Variants in MYH14 observed in about 807,000 individuals in gnomAD.
The protein encoded by MYH14 is myosin-14.
A neutral mutation model predicts 255.5 loss-of-function variants in MYH14; 123 were observed. The observed-to-expected ratio is 0.48, with a 90% CI of 0.42 to 0.56. The LOEUF is 0.56. MYH14 is among the 20% of genes least tolerant of loss of function. The pLI is 0.00. For missense variants in MYH14, 2,423 were observed against 2,802.3 expected, an observed-to-expected ratio of 0.86 and a Z score of 3.06; for synonymous variants, 1,095 against 1,161.2, an observed-to-expected ratio of 0.94 and a Z score of 1.16.
intron 39 of MYH14, among the ~76,000 whole-genome samples, chr19:50,295,337 A>C (rs945668726): frequency 1.3e-5 from 2 of 150,952 alleles, no homozygotes; most frequent in South Asian, 2.1e-4. Flanking sequence ...AACAAAAAAC[A>C]AAAAAACAAA....
rs1209985827 is a variant in MYH14, at chr19:50,209,783, C to CAA, written c.-3-565_-3-564dup. On this transcript the variant is annotated intron_variant, in intron 1 of 42. Transcript: ENST00000642316. The stretch of plus-strand genomic sequence containing the variant: ...TGGGCGACACAGTGAGACTCCATCT[C>CAA]AAAAAAAAAAAAAAAAGAAAATAAT... 2.1e-4 allele frequency among the ~76,000 whole-genome samples: 14 copies of CAA among 65,648 alleles called. 1 individual carries two copies. Among genetic ancestry groups the CAA allele is most frequent in the African/African-American group, 4.9e-4 (9 of 18,414 alleles). 43.1% of individuals were successfully genotyped at this position (65,648 alleles called of 152,430 possible). A position where few individuals can be genotyped will look rare whatever the true frequency, so the allele number is the denominator to read the frequency against.
intron 39 of MYH14, among the ~76,000 whole-genome samples, chr19:50,299,936 C>A (rs2036423913): frequency 6.6e-6 from 1 of 152,140 alleles, no homozygotes; most frequent in Non-Finnish European, 1.5e-5. Flanking sequence ...CAGAGTGAGA[C>A]TGTGTCTCAA....
intron 30 of MYH14, among the ~76,000 whole-genome samples, chr19:50,279,548 A>G (rs2035634993): frequency 6.6e-6 from 1 of 152,124 alleles, no homozygotes; most frequent in South Asian, 2.1e-4. Flanking sequence ...CAGGAGAATC[A>G]CTTGCACCTG....
At position 50,221,128 on chromosome 19, in the gene MYH14, C is replaced by G. The variant is rs1229428140; in HGVS notation, c.563-1955C>G. 6.6e-6 allele frequency among the ~76,000 whole-genome samples: 1 copy of G among 152,144 alleles called. No homozygotes were observed. Among genetic ancestry groups the G allele is most frequent in the Non-Finnish European group, 1.5e-5 (1 of 68,016 alleles). On this transcript the variant is annotated intron_variant, in intron 3 of 42. Coordinates refer to ENST00000642316, the MANE Select transcript of MYH14 (RefSeq NM_001145809.2). The surrounding 1 kb of genome is among the most constrained non-coding windows in gnomAD (Gnocchi z 5.3). ...AACCCAGGGCCCCTGACCACCGCCT[C>G]CCTGTATGTCACACTGTGTGTTATA... is the stretch of plus-strand genomic sequence containing the variant.
At chr19:50,238,096 C>A (rs368591927) in intron 10 of MYH14, among the ~76,000 whole-genome samples, 3 of 152,218 alleles carry the variant, frequency 2.0e-5, no homozygotes, top group African/African-American at 7.2e-5. Context: ...CTCTGCCTGC[C>A]ACCCCTTGGC....
At chr19:50,227,053 G>GTAAGGGGTCCCTGCAGT in intron 8 of MYH14, 87 bp downstream of exon 8, 2 of 1,343,158 alleles carry the variant, frequency 1.5e-6, no homozygotes, top group Non-Finnish European at 2.1e-6. Flanking sequence ...CCCACTGCAG[G>GTAAGGGGTCCCTGCAGT]GACCCCTTAC....
chr19:50,308,752 T>G, intron 41 of MYH14: 1 of 464,204 alleles, frequency 2.2e-6, no homozygotes. Flanking sequence ...AGCAGGAGGG[T>G]CTGGGTCAGC....
intron 2 of MYH14, among the ~76,000 whole-genome samples, chr19:50,214,580 G>A (rs746741655): frequency 6.6e-6 from 1 of 152,260 alleles, no homozygotes; most frequent in African/African-American, 2.4e-5. Context: ...GTTAAAAGCC[G>A]CATTTTCCAG....
intron 1 of MYH14, among the ~76,000 whole-genome samples, 176 bp downstream of exon 1, chr19:50,203,847 G>C (rs983552190): frequency 4.6e-4 from 70 of 151,956 alleles, no homozygotes; most frequent in African/African-American, 1.5e-3. Context: ...CGAGGGAGGT[G>C]GGGGGGCGGG....
intron 34 of MYH14, among the ~76,000 whole-genome samples, chr19:50,287,873 A>G (rs1254415280): frequency 6.6e-6 from 1 of 152,124 alleles, no homozygotes; most frequent in Non-Finnish European, 1.5e-5. Context: ...GACTAGGTGC[A>G]TGCATACATA....
At chr19:50,255,108 C>A in intron 16 of MYH14, 112 bp from the exon 17 acceptor site, 1 of 728,642 alleles carries the variant, frequency 1.4e-6, no homozygotes, top group Non-Finnish European at 2.4e-6. Context: ...ATAACCCTCT[C>A]CTCTTTTTCT....
At chr19:50,206,076 G>C (rs1277841342) in intron 1 of MYH14, among the ~76,000 whole-genome samples, 1 of 152,158 alleles carries the variant, frequency 6.6e-6, no homozygotes, top group African/African-American at 2.4e-5. Flanking sequence ...AGTCAGAGAG[G>C]CTCGGCCACT....
chr19:50,209,510 C>A (rs964855742), intron 1 of MYH14, among the ~76,000 whole-genome samples: 3 of 151,408 alleles, frequency 2.0e-5, no homozygotes, highest in Non-Finnish European at 4.4e-5. Flanking sequence ...ATTGGCCAGG[C>A]GCGGTGGCTC....
intron 1 of MYH14, among the ~76,000 whole-genome samples, chr19:50,206,362 C>T (rs1055572591): frequency 3.7e-5 from 5 of 136,220 alleles, no homozygotes; most frequent in Admixed American, 9.0e-5. Flanking sequence ...GCAAAAACTC[C>T]GAAACCCTTC....
rs187839258 is a variant in MYH14 at position 50,236,568 on chromosome 19, C to A, written c.1114+4498C>A. ...ACTAAAAATACAAAAATTAGCTGGG[C>A]GTGGTGGCACATGCCTGTAATCCCA... On this transcript the variant is annotated intron_variant, in intron 10 of 42. Transcript: ENST00000642316. Among the ~76,000 whole-genome samples the A allele has an allele frequency of 4.3e-3, 652 of 151,954 alleles. 4 individuals are homozygous for A. Among genetic ancestry groups the A allele is most frequent in the Non-Finnish European group, 7.8e-3 (528 of 67,972 alleles).
At chr19:50,267,623 A>AAATAATAATAATAAT (rs56141769) in intron 23 of MYH14, among the ~76,000 whole-genome samples, 3,023 of 149,172 alleles carry the variant, frequency 0.02, 46 homozygotes, top group African/African-American at 0.03. Flanking sequence ...TCTGTCTCAA[A>AAATAATAATAATAAT]AATAATAATA....
Position 50,280,347 on chromosome 19 carries a change from A to ACGGG in MYH14, c.4260_4263dup (p.Arg1422GlyfsTer3). 1.9e-6 allele frequency: 3 copies of ACGGG among 1,548,110 alleles called. No individual in the cohort carries two copies. Among genetic ancestry groups the ACGGG allele is most frequent in the Non-Finnish European group, 2.6e-6 (3 of 1,145,792 alleles). On this transcript the variant is annotated frameshift_variant, in exon 32 of 43. Coordinates refer to ENST00000642316, the MANE Select transcript of MYH14 (RefSeq NM_001145809.2). The surrounding 1 kb of genome is among the most constrained non-coding windows in gnomAD (Gnocchi z 4.8). ...TGGAGGAGGAGGCAGCTGCCAGGGA[A>ACGGG]CGGGCGGGCCGTGAACTGCAGACTG... is the stretch of plus-strand genomic sequence containing the variant.
At chr19:50,279,872 G>T (rs1453869011) in intron 30 of MYH14, among the ~76,000 whole-genome samples, 165 bp from the exon 31 acceptor site, 1 of 152,218 alleles carries the variant, frequency 6.6e-6, no homozygotes, top group Non-Finnish European at 1.5e-5. Flanking sequence ...GGATTGTTGG[G>T]TCATGTGGGA....
Position 50,208,455 on chromosome 19 carries a change from C to G in MYH14, c.-3-1908C>G, listed in dbSNP as rs1026538855. 2.3e-5 allele frequency among the ~76,000 whole-genome samples: 3 copies of G among 130,268 alleles called. 1 individual carries two copies. The highest frequency in any genetic ancestry group is 5.1e-4 in the South Asian group (2 of 3,916). The allele number at this position is 130,268 out of a possible 152,430, so 85.5% of individuals were successfully genotyped here. A position where few individuals can be genotyped will look rare whatever the true frequency, so the allele number is the denominator to read the frequency against. ...ACAAACAAACAAACAAACAAACAAA[C>G]AAAAAAACCCAACAAACCCACCAAA... On this transcript the variant is annotated intron_variant, in intron 1 of 42. Transcript: ENST00000642316.
Sources: allele counts gnomAD v4.1 joint callset (sites outside exome capture counted in the v4.1 genomes callset), GRCh38; gene constraint gnomAD v4.1.1; non-coding constraint Gnocchi (gnomAD v3.1); transcripts MANE v1.5; gene names NCBI Gene and HGNC (gene_info 2026-07-23, HGNC 2026-07-21).